ZNF264: variants seen among roughly 807,000 people sequenced by gnomAD.
ZNF264 encodes zinc finger protein 264.
A neutral mutation model predicts 11.2 loss-of-function variants in ZNF264; 11 were observed. That is an observed-to-expected ratio of 0.98 (90% CI 0.62 to 1.63). The LOEUF is 1.63. Among genes scored for constraint, ZNF264 ranks in the 40% most tolerant of loss-of-function variants. The probability of loss-of-function intolerance (pLI) is 0.00; values close to 1 mark genes in which losing one functional copy is unlikely to be tolerated. For missense variants in ZNF264, 752 were observed against 768.1 expected, an observed-to-expected ratio of 0.98 and a Z score of 0.25; for synonymous variants, 309 against 279.8, an observed-to-expected ratio of 1.10 and a Z score of -1.04.
chr19:57,197,920 A>G (rs371485027), intron 2 of ZNF264, among the ~76,000 whole-genome samples: 6 of 152,000 alleles, frequency 3.9e-5, no homozygotes, highest in East Asian at 3.8e-4. Flanking sequence ...TGTGTTTGCT[A>G]CTTCTTGCTA....
chr19:57,207,678 C>A (rs1434654749), intron 3 of ZNF264, among the ~76,000 whole-genome samples: 2 of 150,770 alleles, frequency 1.3e-5, no homozygotes, highest in East Asian at 3.9e-4. Flanking sequence ...TGCCATTACA[C>A]CCGGCTAATT....
rs1469288896 is a variant in ZNF264, at chr19:57,213,331, G to A, written c.*350G>A. On this transcript the variant is annotated 3_prime_UTR_variant, in exon 4 of 4. Coordinates refer to ENST00000263095, the MANE Select transcript of ZNF264 (RefSeq NM_003417.5). The stretch of plus-strand genomic sequence containing the variant: ...ACCTTGACCCTTTATGTGCTTGTAT[G>A]TACATTTATTGCTATCCAGTGTCAG... 1 of 187,960 alleles carries A rather than the reference G, an allele frequency of 5.3e-6. No individual in the cohort carries two copies. Among genetic ancestry groups the A allele is most frequent in the Non-Finnish European group, 1.1e-5 (1 of 88,876 alleles). The allele number at this position is 187,960 out of a possible 1,614,324, so 11.6% of individuals were successfully genotyped here. A position where few individuals can be genotyped will look rare whatever the true frequency, so the allele number is the denominator to read the frequency against.
In ZNF264 at chr19:57,216,870, T is replaced by A. The variant is rs1301927099; in HGVS notation, c.*3889T>A. 1.3e-5 allele frequency: 2 copies of A among 152,174 alleles called. No homozygotes were observed. The highest frequency in any genetic ancestry group is 2.9e-5 in the Non-Finnish European group (2 of 68,020). The allele number at this position is 152,174 out of a possible 1,614,324, so 9.4% of individuals were successfully genotyped here. On this transcript the variant is annotated 3_prime_UTR_variant, in exon 4 of 4. Coordinates refer to ENST00000263095, the MANE Select transcript of ZNF264 (RefSeq NM_003417.5). ...TCCTATAGGTTACTTCACCTTTTTT[T>A]TTTTTAATAATTTGATTTGATACAT...
rs1223646860 is a variant in ZNF264 at position 57,218,024 on chromosome 19, T to G, written c.*5043T>G. ...CAGGCTGGTCTCAAACTCCTGACCTTGTGATCCGCCAACCTTGGCCTGTCG... is the reference window on the plus strand; with the variant it reads ...CAGGCTGGTCTCAAACTCCTGACCTGGTGATCCGCCAACCTTGGCCTGTCG... On this transcript the variant is annotated 3_prime_UTR_variant, in exon 4 of 4. Transcript: ENST00000263095. 6.6e-6 allele frequency: 1 copy of G among 152,096 alleles called. No homozygotes were observed. The highest frequency in any genetic ancestry group is 1.5e-5 in the Non-Finnish European group (1 of 68,032). 9.4% of individuals were successfully genotyped at this position (152,096 alleles called of 1,614,324 possible).
Position 57,222,526 on chromosome 19 carries a change from ATATATATATG to A in ZNF264, c.*9551_*9560del, listed in dbSNP as rs2087425491. The A allele has an allele frequency of 1.4e-5, 2 of 146,222 alleles. No homozygotes were observed. Among genetic ancestry groups the A allele is most frequent in the Non-Finnish European group, 3.0e-5 (2 of 67,706 alleles). The allele number at this position is 146,222 out of a possible 1,614,324, so 9.1% of individuals were successfully genotyped here. ...GCGTTCTCTCTCTCTCTCTCTCTAT[ATATATATATG>A]TATATGTGTGTGTACATATGGACCA... On this transcript the variant is annotated 3_prime_UTR_variant, in exon 4 of 4. Transcript: ENST00000263095.
At chr19:57,194,145 C>T in intron 2 of ZNF264, 144 bp downstream of exon 2, 3 of 1,197,208 alleles carry the variant, frequency 2.5e-6, no homozygotes, top group Non-Finnish European at 3.5e-6. Context: ...TCCACAGTAA[C>T]CTCTTCCTAT....
intron 2 of ZNF264, among the ~76,000 whole-genome samples, chr19:57,195,550 G>A (rs1168553467): frequency 1.3e-5 from 2 of 149,484 alleles, no homozygotes; most frequent in East Asian, 1.9e-4. Flanking sequence ...AAGGGTCTGG[G>A]CCATTTGTAG....
In ZNF264 at chr19:57,213,034, A is replaced by G. The variant is rs1349233023; in HGVS notation, c.*53A>G. The G allele has an allele frequency of 6.5e-7, 1 of 1,540,198 alleles. No individual in the cohort carries two copies. Among genetic ancestry groups the G allele is most frequent in the African/African-American group, 1.4e-5 (1 of 72,722 alleles). ...TGTCATCTGAAGAGTCATATTAGAAATTCGTTCAGTCTAGAGCCTTATTCT... is the reference window on the plus strand; with the variant it reads ...TGTCATCTGAAGAGTCATATTAGAAGTTCGTTCAGTCTAGAGCCTTATTCT... On this transcript the variant is annotated 3_prime_UTR_variant, in exon 4 of 4. Transcript: ENST00000263095.
intron 1 of ZNF264, chr19:57,192,418 C>A (rs572086152): frequency 2.0e-6 from 2 of 985,394 alleles, no homozygotes; most frequent in Admixed American, 1.2e-4. Context: ...TAGCCATCCG[C>A]AACTACTGCA....
intron 1 of ZNF264, among the ~76,000 whole-genome samples, chr19:57,193,284 A>T (rs1331541192): frequency 6.6e-6 from 1 of 152,194 alleles, no homozygotes; most frequent in Non-Finnish European, 1.5e-5. Context: ...GACTGCAGGG[A>T]CTGTGAAAGG....
At chr19:57,192,627 A>G (rs1461184366) in intron 1 of ZNF264, 1 of 954,600 alleles carries the variant, frequency 1.0e-6, no homozygotes, top group Non-Finnish European at 1.2e-6. Flanking sequence ...CCCAGAGGGC[A>G]TGGGAAGCTG....
Position 57,215,801 on chromosome 19 carries a change from G to C in ZNF264, c.*2820G>C, listed in dbSNP as rs2122773515. ...ATTTAATAGTATGCTTAATTTTCTG[G>C]TGTTTGGCATATTTGTTACTGATTT... On this transcript the variant is annotated 3_prime_UTR_variant, in exon 4 of 4. Coordinates refer to ENST00000263095, the MANE Select transcript of ZNF264 (RefSeq NM_003417.5). The C allele has an allele frequency of 6.6e-6, 1 of 152,110 alleles. No individual in the cohort carries two copies. The highest frequency in any genetic ancestry group is 2.1e-4 in the South Asian group (1 of 4,808). 9.4% of individuals were successfully genotyped at this position (152,110 alleles called of 1,614,324 possible).
At chr19:57,195,193 C>T (rs912069793) in intron 2 of ZNF264, among the ~76,000 whole-genome samples, 3 of 152,190 alleles carry the variant, frequency 2.0e-5, no homozygotes, top group East Asian at 1.9e-4. Context: ...ATACAAGTAT[C>T]GTTCATGCAA....
chr19:57,200,001 C>CT lies in ZNF264; in HGVS notation c.161-5395dup, dbSNP rs2087239334. ...TCTTCTGCCTATTAAACCTCCACTCCTAAAAAAAAAAAAAGAAAAAATGAT... is the reference window on the plus strand; with the variant it reads ...TCTTCTGCCTATTAAACCTCCACTCCTTAAAAAAAAAAAAAGAAAAAATGAT... On this transcript the variant is annotated intron_variant, in intron 2 of 3. Coordinates refer to ENST00000263095, the MANE Select transcript of ZNF264 (RefSeq NM_003417.5). 7.9e-5 allele frequency among the ~76,000 whole-genome samples: 4 copies of CT among 50,880 alleles called. No homozygotes were observed. The South Asian group carries it at 1.9e-3, about 24-fold the overall frequency. The allele number at this position is 50,880 out of a possible 152,430, so 33.4% of individuals were successfully genotyped here.
At position 57,212,783 on chromosome 19, in the gene ZNF264, T is replaced by C; in HGVS notation, c.1686T>C (p.Thr562=). 6.2e-7 allele frequency: 1 copy of C among 1,614,060 alleles called. No homozygotes were observed. The highest frequency in any genetic ancestry group is 8.5e-7 in the Non-Finnish European group (1 of 1,179,902). The change falls in exon 4 of 4, where the codon ACT becomes ACC. Residue 562 remains threonine, a synonymous_variant. Transcript: ENST00000263095. ...SSLTQHQRMH[T]GKNPISVTDV... is the part of the protein sequence containing the mutation. ...TCACTCAGCATCAAAGGATGCATAC[T>C]GGGAAAAATCCCATCAGTGTAACAG...
Position 57,219,837 on chromosome 19 carries a change from T to G in ZNF264, c.*6856T>G, listed in dbSNP as rs1312372550. The G allele has an allele frequency of 6.6e-6, 1 of 152,286 alleles. No homozygotes were observed. Among genetic ancestry groups the G allele is most frequent in the Non-Finnish European group, 1.5e-5 (1 of 68,046 alleles). The allele number at this position is 152,286 out of a possible 1,614,324, so 9.4% of individuals were successfully genotyped here. A position where few individuals can be genotyped will look rare whatever the true frequency, so the allele number is the denominator to read the frequency against. ...TCACGTCTGTGGCCCACTGGGCATC[T>G]TCTGCACTTTCTCTGCATTTGTAAA... On this transcript the variant is annotated 3_prime_UTR_variant, in exon 4 of 4. Coordinates refer to ENST00000263095, the MANE Select transcript of ZNF264 (RefSeq NM_003417.5).
At chr19:57,197,810 AC>A (rs1211756715) in intron 2 of ZNF264, among the ~76,000 whole-genome samples, 2 of 151,932 alleles carry the variant, frequency 1.3e-5, no homozygotes, top group Non-Finnish European at 2.9e-5. Context: ...GCCACACACC[AC>A]TGGACCCCTA....
rs1231074348 is a variant in ZNF264, at chr19:57,213,716, AT to A, written c.*737del. 5 of 152,148 alleles carry A rather than the reference AT, an allele frequency of 3.3e-5. No individual in the cohort carries two copies. Among genetic ancestry groups the A allele is most frequent in the African/African-American group, 1.2e-4 (5 of 41,420 alleles). The allele number at this position is 152,148 out of a possible 1,614,324, so 9.4% of individuals were successfully genotyped here. ...TTTGACATTCCATATAATTTTTAGG[AT>A]TAGTTTGTACTTATTTACAAAACAG... On this transcript the variant is annotated 3_prime_UTR_variant, in exon 4 of 4. Transcript: ENST00000263095.
In ZNF264 at chr19:57,219,969, G is replaced by A. The variant is rs1423151498; in HGVS notation, c.*6988G>A. On this transcript the variant is annotated 3_prime_UTR_variant, in exon 4 of 4. Coordinates refer to ENST00000263095, the MANE Select transcript of ZNF264 (RefSeq NM_003417.5). Reference sequence around the variant, plus strand: ...GTCATGTGGCTATGTATGAGACATTGTTGTGAATGTTTTACATGCATCAGC... The same window carrying A: ...GTCATGTGGCTATGTATGAGACATTATTGTGAATGTTTTACATGCATCAGC... The A allele has an allele frequency of 6.6e-6, 1 of 152,234 alleles. No individual in the cohort carries two copies. The highest frequency in any genetic ancestry group is 1.5e-5 in the Non-Finnish European group (1 of 68,030). The allele number at this position is 152,234 out of a possible 1,614,324, so 9.4% of individuals were successfully genotyped here.
Sources: gnomAD v4.1 joint callset for allele counts (sites outside exome capture counted in the v4.1 genomes callset) on GRCh38, gnomAD v4.1.1 for gene constraint, MANE v1.5 for transcripts, NCBI Gene and HGNC (gene_info 2026-07-23, HGNC 2026-07-21) for gene names.